Variants in PLIN3 observed in about 807,000 individuals in gnomAD.
PLIN3 encodes perilipin-3.
PLIN3 carries 30 observed loss-of-function variants against 35.9 expected under a neutral mutation model. That is an observed-to-expected ratio of 0.84 (90% confidence interval 0.62 to 1.13). The LOEUF (loss-of-function observed/expected upper bound fraction) is 1.13, where lower values mean the gene tolerates loss of function less well. Ranked by LOEUF, PLIN3 falls within the 50% of genes most tolerant of loss-of-function variation. PLIN3 has a pLI of 0.00. For synonymous variants in PLIN3, 261 were observed against 262.5 expected (o/e 0.99, Z 0.06); for missense variants, 603 against 596.9 (o/e 1.01, Z -0.11).
Position 4,839,503 on chromosome 19 carries a change from C to A in PLIN3, c.994G>T (p.Asp332Tyr). The change falls in exon 8 of 8, where the codon GAC becomes TAC. Residue 332 changes from aspartate to tyrosine, a missense_variant. Asp to Tyr is a radical substitution (Grantham distance 160, BLOSUM62 -3). Coordinates refer to ENST00000221957, the MANE Select transcript of PLIN3 (RefSeq NM_005817.5). ...VESRALTMFRDIAQQLQATCT... is the reference protein window; with the variant it reads ...VESRALTMFRYIAQQLQATCT... ...GTGGCCTGCAGTTGCTGGGCAATGT[C>A]CCGGAACATGGTGAGCGCCCGGGAC... is the stretch of plus-strand genomic sequence containing the variant. The A allele has an allele frequency of 6.5e-7, 1 of 1,541,200 alleles. No homozygotes were observed. The highest frequency in any genetic ancestry group is 8.8e-7 in the Non-Finnish European group (1 of 1,139,268).
At chr19:4,856,692 T>C (rs982708579) in intron 4 of PLIN3, among the ~76,000 whole-genome samples, 6 of 149,978 alleles carry the variant, frequency 4.0e-5, no homozygotes, top group Non-Finnish European at 8.9e-5. Flanking sequence ...CTCACACTTA[T>C]CTGAAGGAGG....
chr19:4,864,823 C>T (rs2030796913), intron 1 of PLIN3, among the ~76,000 whole-genome samples: 1 of 152,022 alleles, frequency 6.6e-6, no homozygotes, highest in Admixed American at 6.6e-5. Context: ...GCCAGGAGTC[C>T]CAGCTCCACC....
chr19:4,861,188 A>G, intron 2 of PLIN3, 141 bp downstream of exon 2: 2 of 727,834 alleles, frequency 2.7e-6, no homozygotes. Context: ...AGTGGTCCAT[A>G]CCCCACTGAG....
chr19:4,839,990 T>TAA (rs1254662071), intron 7 of PLIN3, among the ~76,000 whole-genome samples: 1 of 128,532 alleles, frequency 7.8e-6, no homozygotes, highest in Non-Finnish European at 1.6e-5. Context: ...TTTTTTGAGA[T>TAA]AGAGTCTTGC....
chr19:4,860,621 G>A (rs576659969), intron 2 of PLIN3, among the ~76,000 whole-genome samples: 1 of 152,288 alleles, frequency 6.6e-6, no homozygotes, highest in African/African-American at 2.4e-5. Flanking sequence ...TAAACCGGGG[G>A]CTGTAGACCA....
At chr19:4,857,556 G>A (rs181633402) in intron 4 of PLIN3, among the ~76,000 whole-genome samples, 2 of 152,066 alleles carry the variant, frequency 1.3e-5, no homozygotes, top group Admixed American at 6.6e-5. Context: ...GTGACAGAGT[G>A]AGAACCTGTC....
At chr19:4,855,366 A>G (rs539912259) in intron 4 of PLIN3, among the ~76,000 whole-genome samples, 1 of 151,814 alleles carries the variant, frequency 6.6e-6, no homozygotes, top group Admixed American at 6.6e-5. Context: ...CTCCTACGCT[A>G]TCAGTGGGAG....
intron 6 of PLIN3, 141 bp from the exon 7 acceptor site, chr19:4,844,934 C>A: frequency 1.0e-6 from 1 of 983,434 alleles, no homozygotes; most frequent in Non-Finnish European, 1.5e-6. Flanking sequence ...GGAAGGGTTT[C>A]CTGGCTACGG....
chr19:4,861,973 C>T (rs2030692346), intron 1 of PLIN3, among the ~76,000 whole-genome samples: 1 of 150,992 alleles, frequency 6.6e-6, no homozygotes, highest in South Asian at 2.1e-4. Flanking sequence ...GGGTCTTGCT[C>T]TGTCACCCAG....
intron 2 of PLIN3, 120 bp from the exon 3 acceptor site, chr19:4,860,144 C>T (rs2030626164): frequency 6.4e-6 from 5 of 783,812 alleles, no homozygotes; most frequent in Non-Finnish European, 8.7e-6. Context: ...TCAGTTTACC[C>T]ACACTTTGCA....
rs1035199095 is a variant in PLIN3, at chr19:4,860,081, G to A, written c.67-57C>T. The A allele has an allele frequency of 3.2e-5, 48 of 1,495,568 alleles. 1 individual carries two copies. The highest frequency in any genetic ancestry group is 8.3e-5 in the African/African-American group (6 of 72,602). The allele number at this position is 1,495,568 out of a possible 1,614,324, so 92.6% of individuals were successfully genotyped here. On this transcript the variant is annotated intron_variant, in intron 2 of 7. Transcript: ENST00000221957. ...GTGGGGGAAGATGGGGAGCTCAGCCGGAAACTCAGGGTGCCCTGCAGTTTT... is the reference window on the plus strand; with the variant it reads ...GTGGGGGAAGATGGGGAGCTCAGCCAGAAACTCAGGGTGCCCTGCAGTTTT...
intron 5 of PLIN3, among the ~76,000 whole-genome samples, chr19:4,851,473 A>T (rs150289003): frequency 1.4e-4 from 21 of 152,152 alleles, no homozygotes; most frequent in Middle Eastern, 3.4e-3. Flanking sequence ...CTAAATAAAT[A>T]AATAAATTAA....
In PLIN3 at chr19:4,838,970, T is replaced by A. The variant is rs1429441020; in HGVS notation, c.*222A>T. 2 of 437,714 alleles carry A rather than the reference T, an allele frequency of 4.6e-6. No homozygotes were observed. The highest frequency in any genetic ancestry group is 8.1e-6 in the Non-Finnish European group (2 of 245,610). 27.1% of individuals were successfully genotyped at this position (437,714 alleles called of 1,614,324 possible). A position where few individuals can be genotyped will look rare whatever the true frequency, so the allele number is the denominator to read the frequency against. ...TTTCTGGACATCTCTCTCTACTGAC[T>A]GATAGGGTGAGGCTCAGAACAGGCT... On this transcript the variant is annotated 3_prime_UTR_variant, in exon 8 of 8. Coordinates refer to ENST00000221957, the MANE Select transcript of PLIN3 (RefSeq NM_005817.5).
chr19:4,857,373 C>A (rs563613387), intron 4 of PLIN3, among the ~76,000 whole-genome samples: 1 of 151,820 alleles, frequency 6.6e-6, no homozygotes, highest in East Asian at 1.9e-4. Flanking sequence ...AGTCTGAGAA[C>A]AGCCTGGGCA....
intron 6 of PLIN3, among the ~76,000 whole-genome samples, chr19:4,846,140 G>A (rs527362592): frequency 6.6e-5 from 10 of 151,678 alleles, no homozygotes; most frequent in Admixed American, 5.3e-4. Context: ...GCAGGAGAAT[G>A]GCATGAACCC....
chr19:4,842,422 C>CTG (rs540170081), intron 7 of PLIN3, among the ~76,000 whole-genome samples: 148 of 151,606 alleles, frequency 9.8e-4, no homozygotes, highest in African/African-American at 3.0e-3. Flanking sequence ...GAGTGAGACT[C>CTG]TGTCTCAAAA....
At chr19:4,866,051 T>C (rs1415883517) in intron 1 of PLIN3, among the ~76,000 whole-genome samples, 3 of 131,970 alleles carry the variant, frequency 2.3e-5, no homozygotes, top group South Asian at 2.4e-4. Flanking sequence ...AGAGTCTTGC[T>C]CTGTCGCCCA....
Position 4,843,510 on chromosome 19 carries a change from A to AAAATAAATAAATAAATAAATAAAT in PLIN3, c.960+1134_960+1157dup, listed in dbSNP as rs111319930. Among the ~76,000 whole-genome samples the AAAATAAATAAATAAATAAATAAAT allele has an allele frequency of 1.0e-3, 142 of 139,528 alleles. 1 individual carries two copies. The highest frequency in any genetic ancestry group is 3.4e-3 in the African/African-American group (126 of 37,040). 91.5% of individuals were successfully genotyped at this position (139,528 alleles called of 152,430 possible). A position where few individuals can be genotyped will look rare whatever the true frequency, so the allele number is the denominator to read the frequency against. ...GTGACAGAGCGAGACTCCATCTCAAAAAATAAATAAATAAATAAATAAATA... is the reference window on the plus strand; with the variant it reads ...GTGACAGAGCGAGACTCCATCTCAAAAAATAAATAAATAAATAAATAAATAAATAAATAAATAAATAAATAAATA... On this transcript the variant is annotated intron_variant, in intron 7 of 7. Transcript: ENST00000221957.
intron 1 of PLIN3, among the ~76,000 whole-genome samples, chr19:4,861,835 A>T (rs992006809): frequency 4.0e-5 from 6 of 150,808 alleles, no homozygotes; most frequent in Non-Finnish European, 7.4e-5. Flanking sequence ...GGGTTTCACC[A>T]TATTGGCCTG....
Sources: allele counts gnomAD v4.1 joint callset (sites outside exome capture counted in the v4.1 genomes callset), GRCh38; gene constraint gnomAD v4.1.1; transcripts MANE v1.5; gene names NCBI Gene and HGNC (gene_info 2026-07-23, HGNC 2026-07-21).